Variants in NXPE2 observed in about 807,000 individuals in gnomAD.
NXPE2 encodes the protein neurexophilin and PC-esterase domain family member 2.
NXPE2 carries 34 observed loss-of-function variants against 34.4 expected under a neutral mutation model. The observed-to-expected ratio is 0.99, with a 90% CI of 0.75 to 1.31. The LOEUF is 1.31. Ranked by LOEUF, NXPE2 falls within the 40% of genes most tolerant of loss-of-function variation. The pLI is 0.00. For synonymous variants in NXPE2, 235 were observed against 231.3 expected, an observed-to-expected ratio of 1.02 and a Z score of -0.15; for missense variants, 649 against 672.5, an observed-to-expected ratio of 0.97 and a Z score of 0.39.
In NXPE2 at chr11:114,706,863, A is replaced by G. The variant is rs1294250218; in HGVS notation, c.1613A>G (p.Asn538Ser). The G allele has an allele frequency of 6.4e-7, 1 of 1,551,996 alleles. No individual in the cohort carries two copies. The highest frequency in any genetic ancestry group is 8.7e-7 in the Non-Finnish European group (1 of 1,146,960). The stretch of plus-strand genomic sequence containing the variant: ...GACATGACGATTGCATATTGCACCA[A>G]CAATGCCCATCCACCGGATTATGTG... The part of the protein sequence containing the change: ...AWDMTIAYCT[N>S]NAHPPDYVIQ... The change falls in exon 6 of 6, where the codon AAC becomes AGC. Residue 538 changes from asparagine (N) to serine (S), a missense_variant. Asn to Ser is a conservative substitution (Grantham distance 46). Coordinates refer to ENST00000389586, the MANE Select transcript of NXPE2 (RefSeq NM_182495.6).
the NXPE2 span, among the ~76,000 whole-genome samples, chr11:114,793,351 A>G: frequency 6.6e-6 from 1 of 152,124 alleles, no homozygotes; most frequent in South Asian, 2.1e-4. Flanking sequence ...TCTCCCAGGC[A>G]AAATTTCACA....
chr11:114,536,075 A>T, the NXPE2 span, among the ~76,000 whole-genome samples: 4 of 152,320 alleles, frequency 2.6e-5, no homozygotes, highest in African/African-American at 7.2e-5. Flanking sequence ...AAATTATAAC[A>T]AACTGTCTCT....
At chr11:114,685,692 C>A (rs7108280) in intron 2 of NXPE2, among the ~76,000 whole-genome samples, 22,855 of 152,060 alleles carry the variant, frequency 0.15, 1,978 homozygotes, top group South Asian at 0.2. Context: ...GACAACTGGG[C>A]CTCACATGAA....
chr11:114,761,429 G>A, the NXPE2 span, among the ~76,000 whole-genome samples: 49 of 152,250 alleles, frequency 3.2e-4, no homozygotes, highest in African/African-American at 1.1e-3. Context: ...TCAGTCTGAT[G>A]CAGACTTCCC....
At chr11:114,648,053 T>C in the NXPE2 span, among the ~76,000 whole-genome samples, 1 of 152,150 alleles carries the variant, frequency 6.6e-6, no homozygotes, top group Non-Finnish European at 1.5e-5. Flanking sequence ...TTCCCTGTGG[T>C]ATATAAGACA....
chr11:114,640,456 C>A, the NXPE2 span, among the ~76,000 whole-genome samples: 5 of 151,468 alleles, frequency 3.3e-5, no homozygotes, highest in Admixed American at 6.6e-5. Flanking sequence ...GACTTCTTTT[C>A]CTCTGGGTAG....
chr11:114,592,059 C>T, the NXPE2 span, among the ~76,000 whole-genome samples: 4 of 152,166 alleles, frequency 2.6e-5, no homozygotes, highest in East Asian at 5.8e-4. Context: ...AACAAATCCA[C>T]AGCTAACATC....
the NXPE2 span, among the ~76,000 whole-genome samples, chr11:114,756,677 A>C: frequency 0.93 from 141,857 of 152,084 alleles, 66,999 homozygotes; most frequent in East Asian, 1. Flanking sequence ...GGGAGATAAC[A>C]CTATCTGCAA....
chr11:114,569,094 A>T, the NXPE2 span, among the ~76,000 whole-genome samples: 1 of 152,210 alleles, frequency 6.6e-6, no homozygotes, highest in Non-Finnish European at 1.5e-5. Context: ...CTGGATAAAC[A>T]TATTTAAGTT....
chr11:114,603,143 T>C, the NXPE2 span, among the ~76,000 whole-genome samples: 1 of 151,970 alleles, frequency 6.6e-6, no homozygotes, highest in Non-Finnish European at 1.5e-5. Context: ...TAATAATTAT[T>C]GCCTTGTCTC....
the NXPE2 span, chr11:114,571,136 C>T: frequency 6.2e-7 from 1 of 1,613,882 alleles, no homozygotes; most frequent in Non-Finnish European, 8.5e-7. Context: ...CATTGTACAT[C>T]TCCCTGATGT....
At chr11:114,553,878 G>C in the NXPE2 span, 1 of 965,950 alleles carries the variant, frequency 1.0e-6, no homozygotes, top group Non-Finnish European at 1.2e-6. Context: ...GCCATGATGG[G>C]TACATTTAGA....
chr11:114,753,860 C>A, the NXPE2 span, among the ~76,000 whole-genome samples: 2 of 152,038 alleles, frequency 1.3e-5, no homozygotes, highest in Non-Finnish European at 2.9e-5. Context: ...ATTAAAGTAC[C>A]CTTATTGTCA....
chr11:114,768,396 C>T, the NXPE2 span, among the ~76,000 whole-genome samples: 1 of 152,108 alleles, frequency 6.6e-6, no homozygotes, highest in Non-Finnish European at 1.5e-5. Context: ...CTATACAGCT[C>T]TTGTTTGGTT....
chr11:114,709,558 A>G (rs1249845648), downstream of NXPE2, among the ~76,000 whole-genome samples: 1 of 152,228 alleles, frequency 6.6e-6, no homozygotes, highest in African/African-American at 2.4e-5. Flanking sequence ...TATTGCTATT[A>G]TCAAACCTCT....
At chr11:114,465,454 GT>G in the NXPE2 span, among the ~76,000 whole-genome samples, 8 of 152,186 alleles carry the variant, frequency 5.3e-5, no homozygotes, top group East Asian at 1.4e-3. Flanking sequence ...TAAGCAATGT[GT>G]TTTTAGGGTG....
the NXPE2 span, among the ~76,000 whole-genome samples, chr11:114,615,914 C>T: frequency 2.0e-5 from 3 of 150,948 alleles, no homozygotes; most frequent in South Asian, 2.1e-4. Flanking sequence ...ACCACTGTTA[C>T]CTGGTGGATA....
the NXPE2 span, among the ~76,000 whole-genome samples, chr11:114,761,588 A>C: frequency 9.7e-6 from 1 of 102,616 alleles, no homozygotes; most frequent in Non-Finnish European, 1.8e-5. Context: ...TTTTTTTGAG[A>C]CGGAGTCTCG....
chr11:114,618,406 T>A, the NXPE2 span, among the ~76,000 whole-genome samples: 2 of 152,008 alleles, frequency 1.3e-5, no homozygotes, highest in Admixed American at 1.3e-4. Flanking sequence ...TAATAAGTAT[T>A]GCCTCATGGG....
Sources: gnomAD v4.1 joint callset for allele counts (sites outside exome capture counted in the v4.1 genomes callset) on GRCh38, gnomAD v4.1.1 for gene constraint, MANE v1.5 for transcripts, NCBI Gene and HGNC (gene_info 2026-07-23, HGNC 2026-07-21) for gene names.